The following SMARCAD1 variants were observed in gnomAD, a reference collection of about 807,000 sequenced individuals.
SMARCAD1 encodes SWI/SNF-related matrix-associated actin-dependent regulator of chromatin subfamily A containing DEAD/H box 1.
A neutral mutation model predicts 127.1 loss-of-function variants in SMARCAD1; 25 were observed. That is an observed-to-expected ratio of 0.20 (90% CI 0.14 to 0.27). The LOEUF (loss-of-function observed/expected upper bound fraction) is 0.27. Among genes scored for constraint, SMARCAD1 ranks in the 10% least tolerant of loss-of-function variants. The pLI, the probability that SMARCAD1 is intolerant of heterozygous loss-of-function variation, is 1.00. For missense variants in SMARCAD1, 807 were observed against 1,206.0 expected (o/e 0.67, Z 4.90); for synonymous variants, 400 against 396.9 (o/e 1.01, Z -0.09).
In SMARCAD1 at chr4:94,237,024, C is replaced by G; in HGVS notation, c.604+6C>G. On this transcript the variant is annotated splice_donor_region_variant and intron_variant, in intron 5 of 23. Transcript: ENST00000354268. ...GCTGATGTTTGGTGATGCAGGTATG[C>G]TTGACTTAATTTTAAGCCATGTCGA... is the stretch of plus-strand genomic sequence containing the variant. 1 of 1,611,964 alleles carries G rather than the reference C, an allele frequency of 6.2e-7. No homozygotes were observed. The highest frequency in any genetic ancestry group is 8.5e-7 in the Non-Finnish European group (1 of 1,178,542).
chr4:94,254,930 A>G (rs539931642), intron 9 of SMARCAD1, among the ~76,000 whole-genome samples: 3 of 152,190 alleles, frequency 2.0e-5, no homozygotes, highest in South Asian at 2.1e-4. Context: ...ACCCTACCCT[A>G]GAGCAGATTT....
intron 9 of SMARCAD1, 195 bp from the exon 10 acceptor site, chr4:94,264,512 G>A (rs541639632): frequency 1.9e-6 from 1 of 515,860 alleles, no homozygotes; most frequent in Non-Finnish European, 3.4e-6. Flanking sequence ...TTTGATGTGT[G>A]ACAGTAGAAT....
In SMARCAD1 at chr4:94,289,848, A is replaced by G; in HGVS notation, c.*314A>G. 2.1e-6 allele frequency: 1 copy of G among 484,370 alleles called. No individual in the cohort carries two copies. Among genetic ancestry groups the G allele is most frequent in the Non-Finnish European group, 4.0e-6 (1 of 247,596 alleles). 30.0% of individuals were successfully genotyped at this position (484,370 alleles called of 1,614,324 possible). ...ATGCTAATGCTTTAGAAATGTCAGT[A>G]TTTTTGTAATTATTTCTACCTCCAA... On this transcript the variant is annotated 3_prime_UTR_variant, in exon 24 of 24. Coordinates refer to ENST00000354268, the MANE Select transcript of SMARCAD1 (RefSeq NM_020159.5).
At chr4:94,230,179 A>C (rs1745613308) in intron 3 of SMARCAD1, among the ~76,000 whole-genome samples, 1 of 151,946 alleles carries the variant, frequency 6.6e-6, no homozygotes, top group African/African-American at 2.4e-5. Flanking sequence ...AAAAATCAAA[A>C]CTCTACAAAG....
chr4:94,230,374 C>G (rs1745655107), intron 3 of SMARCAD1, among the ~76,000 whole-genome samples: 1 of 151,436 alleles, frequency 6.6e-6, no homozygotes, highest in Admixed American at 6.6e-5. Context: ...ATGTATATAT[C>G]TCCTGGAAAT....
At chr4:94,225,473 T>C (rs751397934) in intron 2 of SMARCAD1, among the ~76,000 whole-genome samples, 1 of 151,994 alleles carries the variant, frequency 6.6e-6, no homozygotes, top group Non-Finnish European at 1.5e-5. Flanking sequence ...TCACAAAGAG[T>C]AGGGCCCACA....
At chr4:94,234,991 A>G (rs1346500191) in intron 4 of SMARCAD1, among the ~76,000 whole-genome samples, 1 of 152,080 alleles carries the variant, frequency 6.6e-6, no homozygotes, top group Non-Finnish European at 1.5e-5. Flanking sequence ...GTGATAGCCC[A>G]TTTTTACTGG....
At chr4:94,228,370 TTGCC>T (rs1196340309) in intron 3 of SMARCAD1, among the ~76,000 whole-genome samples, 1 of 152,184 alleles carries the variant, frequency 6.6e-6, no homozygotes, top group Non-Finnish European at 1.5e-5. Flanking sequence ...ACTGAACACT[TTGCC>T]TGCAGTATTT....
intron 15 of SMARCAD1, among the ~76,000 whole-genome samples, chr4:94,276,708 A>T (rs1335776145): frequency 6.6e-6 from 1 of 151,870 alleles, no homozygotes; most frequent in African/African-American, 2.4e-5. Flanking sequence ...TTAAAAAATT[A>T]TTAGGTCATA....
rs377349843 is a variant in SMARCAD1 at position 94,274,730 on chromosome 4, T to C, written c.1673-8T>C. The stretch of plus-strand genomic sequence containing the variant: ...GCAGATGCAAATAATGTCTCTTCTG[T>C]TCCATAGATAACTGGTTAAGGGAAG... On this transcript the variant is annotated splice_region_variant and splice_polypyrimidine_tract_variant and intron_variant, in intron 12 of 23. Coordinates refer to ENST00000354268, the MANE Select transcript of SMARCAD1 (RefSeq NM_020159.5). 7 of 1,612,952 alleles carry C rather than the reference T, an allele frequency of 4.3e-6. No individual in the cohort carries two copies. The highest frequency in any genetic ancestry group is 5.9e-6 in the Non-Finnish European group (7 of 1,179,052).
Position 94,281,477 on chromosome 4 carries a change from T to C in SMARCAD1, c.2613T>C (p.Asp871=), listed in dbSNP as rs1754018284. ...CILSELKQKG[D]RVVLFSQFTM... ...TCATGTATGTATTTTCACAGGGTGA[T>C]AGAGTTGTGTTATTTAGCCAATTTA... The change falls in exon 21 of 24, where the codon GAT becomes GAC. Residue 871 remains aspartate, a synonymous_variant. Transcript: ENST00000354268. 6 of 1,601,078 alleles carry C rather than the reference T, an allele frequency of 3.7e-6. No individual in the cohort carries two copies. Among genetic ancestry groups the C allele is most frequent in the Non-Finnish European group, 5.1e-6 (6 of 1,168,464 alleles).
chr4:94,236,871 T>C, intron 4 of SMARCAD1, 81 bp from the exon 5 acceptor site: 1 of 1,059,496 alleles, frequency 9.4e-7, no homozygotes, highest in Non-Finnish European at 1.5e-6. Flanking sequence ...ATATTTAATA[T>C]GTTTGTTCTT....
chr4:94,261,853 T>C lies in SMARCAD1; in HGVS notation c.1282-2854T>C, dbSNP rs556000117. Among the ~76,000 whole-genome samples the C allele has an allele frequency of 9.8e-5, 15 of 152,288 alleles. No individual in the cohort carries two copies. In the South Asian group the frequency reaches 3.1e-3, roughly 32 times the overall value. On this transcript the variant is annotated intron_variant, in intron 9 of 23. Transcript: ENST00000354268. ...TTGAAATCCTAGGCTCAAACAGTGC[T>C]CTTGCCTTGGCCTCCCAACATGCTG...
intron 14 of SMARCAD1, 146 bp from the exon 15 acceptor site, chr4:94,276,193 G>A: frequency 1.3e-6 from 1 of 749,576 alleles, no homozygotes; most frequent in Admixed American, 2.4e-5. Flanking sequence ...GTATTTATTT[G>A]AGTATCACCC....
intron 14 of SMARCAD1, among the ~76,000 whole-genome samples, chr4:94,276,030 C>T (rs1011684200): frequency 2.0e-5 from 3 of 151,994 alleles, no homozygotes; most frequent in Admixed American, 1.3e-4. Flanking sequence ...ATCTTCTGAC[C>T]TCGTGATCCG....
chr4:94,252,608 A>G lies in SMARCAD1; in HGVS notation c.890-8A>G. Reference sequence around the variant, plus strand: ...AATTTAGTTACTGTTTTTGTCTTTTATATACAGATATGCAATATGTATCAC... The same window carrying G: ...AATTTAGTTACTGTTTTTGTCTTTTGTATACAGATATGCAATATGTATCAC... On this transcript the variant is annotated splice_polypyrimidine_tract_variant and splice_region_variant and intron_variant, in intron 8 of 23. Coordinates refer to ENST00000354268, the MANE Select transcript of SMARCAD1 (RefSeq NM_020159.5). 2 of 1,521,082 alleles carry G rather than the reference A, an allele frequency of 1.3e-6. No individual in the cohort carries two copies. The highest frequency in any genetic ancestry group is 2.3e-5 in the East Asian group (1 of 42,986). 94.2% of individuals were successfully genotyped at this position (1,521,082 alleles called of 1,614,324 possible).
At position 94,290,658 on chromosome 4, in the gene SMARCAD1, TA is replaced by T. The variant is rs1755563971; in HGVS notation, c.*1125del. The stretch of plus-strand genomic sequence containing the variant: ...AGTGAAATTTAGAAGTGAAGTTGTC[TA>T]TTTGATATTTAACTCTTTATTAAAT... On this transcript the variant is annotated 3_prime_UTR_variant, in exon 24 of 24. Coordinates refer to ENST00000354268, the MANE Select transcript of SMARCAD1 (RefSeq NM_020159.5). 1 of 453,300 alleles carries T rather than the reference TA, an allele frequency of 2.2e-6. No homozygotes were observed. 28.1% of individuals were successfully genotyped at this position (453,300 alleles called of 1,614,324 possible).
At position 94,208,481 on chromosome 4, in the gene SMARCAD1, G is replaced by T. The variant is rs760805792; in HGVS notation, c.87G>T (p.Gln29His). The T allele has an allele frequency of 1.9e-6, 3 of 1,614,062 alleles. No homozygotes were observed. The highest frequency in any genetic ancestry group is 2.5e-6 in the Non-Finnish European group (3 of 1,180,004). The change falls in exon 2 of 24, where the codon CAG (glutamine) becomes CAT (histidine). Residue 29 changes from glutamine to histidine, a missense_variant. Gln to His is a conservative substitution (Grantham distance 24, BLOSUM62 0). This residue lies in a region of SMARCAD1 where 175 missense variants were observed against 169.5 expected (regional missense o/e 1.03). Transcript: ENST00000354268. ...EAPEATPQPS[Q>H]PGPSSPISLS... ...CCGAAGCAACCCCTCAACCTTCCCA[G>T]CCTGGCCCTTCTTCACCAATTTCTC...
intron 3 of SMARCAD1, among the ~76,000 whole-genome samples, chr4:94,227,872 G>C (rs1482761519): frequency 6.6e-6 from 1 of 152,158 alleles, no homozygotes; most frequent in African/African-American, 2.4e-5. Flanking sequence ...GATGAAATCA[G>C]TGTAAGGGAC....
Sources: allele counts gnomAD v4.1 joint callset (sites outside exome capture counted in the v4.1 genomes callset), GRCh38; gene constraint gnomAD v4.1.1; regional missense constraint gnomAD v4.1.1; transcripts MANE v1.5; gene names NCBI Gene and HGNC (gene_info 2026-07-23, HGNC 2026-07-21).